Variants in ACAN observed in about 807,000 individuals in gnomAD.
The protein encoded by ACAN is aggrecan core protein.
ACAN carries 47 observed loss-of-function variants against 169.1 expected under a neutral mutation model. The observed-to-expected ratio is 0.28, with a 90% CI of 0.22 to 0.35. The LOEUF (loss-of-function observed/expected upper bound fraction) is 0.35, where lower values mean the gene tolerates loss of function less well. Among genes scored for constraint, ACAN ranks in the 10% least tolerant of loss-of-function variants. The pLI is 1.00. For missense variants in ACAN, 2,716 were observed against 2,759.9 expected (o/e 0.98, Z 0.36); for synonymous variants, 1,115 against 1,112.2 (o/e 1.00, Z -0.05).
rs1897463208 is a variant in ACAN at position 88,874,445 on chromosome 15, G to A, written c.7671G>A (p.Arg2557=). Residue 2557 remains arginine, a synonymous_variant, in exon 19 of 19, where the codon CGG becomes CGA. Coordinates refer to ENST00000560601, the MANE Select transcript of ACAN (RefSeq NM_001369268.1). The surrounding 1 kb of genome is among the most constrained non-coding windows in gnomAD (Gnocchi z 7.3). ...GCAGACTACAGAAGCGGAGCTCACG[G>A]CACCCTCGGAGGAGCCGCCCCAGCA... ...YKRRLQKRSS[R]HPRRSRPSTA... is the part of the protein sequence containing the mutation. The A allele has an allele frequency of 6.2e-7, 1 of 1,607,082 alleles. No individual in the cohort carries two copies. The highest frequency in any genetic ancestry group is 1.3e-5 in the African/African-American group (1 of 74,846).
In ACAN at chr15:88,858,764, T is replaced by C. The variant is rs1240940067; in HGVS notation, c.6179T>C (p.Val2060Ala). 4 of 1,613,812 alleles carry C rather than the reference T, an allele frequency of 2.5e-6. No homozygotes were observed. The East Asian group carries it at 8.9e-5, about 36-fold the overall frequency. Residue 2060 changes from valine to alanine, a missense_variant, in exon 12 of 19, where the codon GTG (valine) becomes GCG (alanine). Val to Ala is a moderately conservative substitution (Grantham distance 64). Coordinates refer to ENST00000560601, the MANE Select transcript of ACAN (RefSeq NM_001369268.1). The surrounding 1 kb of genome is among the most constrained non-coding windows in gnomAD (Gnocchi z 4.0). ...CAGGAACTAGGCCAAAGGCCCCCTGTGACACACACACCCCAGCTTTTTGAG... is the reference window on the plus strand; with the variant it reads ...CAGGAACTAGGCCAAAGGCCCCCTGCGACACACACACCCCAGCTTTTTGAG... ...ISQELGQRPP[V>A]THTPQLFESS...
At chr15:88,860,263 T>G (rs1897167120) in intron 12 of ACAN, 63 bp from the exon 13 acceptor site, 1 of 1,255,974 alleles carries the variant, frequency 8.0e-7, no homozygotes, top group Non-Finnish European at 1.1e-6. Flanking sequence ...TTTGAGGTCT[T>G]GGAGGCCATG....
intron 13 of ACAN, among the ~76,000 whole-genome samples, chr15:88,865,301 G>A (rs777270090): frequency 6.6e-6 from 1 of 152,076 alleles, no homozygotes; most frequent in African/African-American, 2.4e-5. Context: ...GGACTCCAGT[G>A]TCTCTCTCCC....
rs775184079 is a variant in ACAN, at chr15:88,843,335, G to T, written c.758-20G>T. 1.7e-5 allele frequency: 26 copies of T among 1,544,840 alleles called. No homozygotes were observed. Among genetic ancestry groups the T allele is most frequent in the Non-Finnish European group, 2.2e-5 (25 of 1,140,082 alleles). On this transcript the variant is annotated intron_variant, in intron 5 of 18. Transcript: ENST00000560601. The surrounding 1 kb of genome is among the most constrained non-coding windows in gnomAD (Gnocchi z 4.0). ...GGAGGGGGGAGAAGACCCTTACCCA[G>T]CTGGCTGTGTCCTTCACAGGTGAGG...
At chr15:88,842,605 C>G (rs1896692731) in intron 5 of ACAN, among the ~76,000 whole-genome samples, 1 of 152,072 alleles carries the variant, frequency 6.6e-6, no homozygotes, top group Admixed American at 6.5e-5. Context: ...GGGGCCCCGG[C>G]CAGGCTTTCT....
At position 88,839,860 on chromosome 15, in the gene ACAN, C is replaced by T. The variant is rs116347228; in HGVS notation, c.455-152C>T. Among the ~76,000 whole-genome samples the T allele has an allele frequency of 5.2e-3, 789 of 152,322 alleles. 8 individuals carry two copies. Among genetic ancestry groups the T allele is most frequent in the African/African-American group, 0.018 (729 of 41,572 alleles). On this transcript the variant is annotated intron_variant, in intron 3 of 18. Transcript: ENST00000560601. The surrounding 1 kb of genome is among the most constrained non-coding windows in gnomAD (Gnocchi z 4.5). ...TGTTCCAGCAAATTCAGAAGGATCA[C>T]GTGCAAAGGTGTACAGGGAGTCATG...
chr15:88,815,802 A>G (rs988561535), intron 1 of ACAN, among the ~76,000 whole-genome samples: 1 of 152,092 alleles, frequency 6.6e-6, no homozygotes, highest in Non-Finnish European at 1.5e-5. Context: ...GATTAGTAGT[A>G]GTGTTATAAT....
chr15:88,839,470 G>A lies in ACAN; in HGVS notation c.454+424G>A, dbSNP rs1896593687. Among the ~76,000 whole-genome samples the A allele has an allele frequency of 6.6e-6, 1 of 152,182 alleles. No individual in the cohort carries two copies. ...CTCAGTTCCAGAAGCCAAAGCAAGG[G>A]CTGAAGACTCCCTGGTCTCTTTCTC... On this transcript the variant is annotated intron_variant, in intron 3 of 18. Transcript: ENST00000560601. This position sits in a 1 kb window ranked among gnomAD's most constrained non-coding sequence, Gnocchi z 4.5.
In ACAN at chr15:88,843,694, G is replaced by A; in HGVS notation, c.1051+46G>A. The stretch of plus-strand genomic sequence containing the variant: ...GGAAGGGAGTTCATGCCACTAAAAT[G>A]GGGTCCTAGAGGGAAGAGGGGATCT... On this transcript the variant is annotated intron_variant, in intron 6 of 18. Transcript: ENST00000560601. The surrounding 1 kb of genome is among the most constrained non-coding windows in gnomAD (Gnocchi z 4.0). 6.5e-7 allele frequency: 1 copy of A among 1,533,554 alleles called. No individual in the cohort carries two copies. The highest frequency in any genetic ancestry group is 2.3e-5 in the East Asian group (1 of 43,572). The allele number at this position is 1,533,554 out of a possible 1,614,324, so 95.0% of individuals were successfully genotyped here. A position where few individuals can be genotyped will look rare whatever the true frequency, so the allele number is the denominator to read the frequency against.
chr15:88,817,864 AAAAAAG>A (rs1895980529), intron 1 of ACAN, among the ~76,000 whole-genome samples: 2 of 151,688 alleles, frequency 1.3e-5, no homozygotes, highest in East Asian at 1.9e-4. Flanking sequence ...AAAAAAAAAA[AAAAAAG>A]AAAGAAAGGG....
intron 4 of ACAN, among the ~76,000 whole-genome samples, chr15:88,840,636 G>A (rs1332633415): frequency 1.3e-5 from 2 of 152,010 alleles, no homozygotes; most frequent in Admixed American, 6.6e-5. Context: ...TGCCCTCAAG[G>A]GATCTCAATG....
rs367553476 is a variant in ACAN, at chr15:88,874,006, C to G, written c.7612C>G (p.Gln2538Glu). Residue 2538 changes from glutamine to glutamate, a missense_variant, in exon 18 of 19, where the codon CAG (glutamine) becomes GAG (glutamate). By Grantham distance (29) the Gln-to-Glu change is conservative. Transcript: ENST00000560601. The surrounding 1 kb of genome is among the most constrained non-coding windows in gnomAD (Gnocchi z 7.3). ...GCCCAGCGGGCACTGGGAGGAGCCT[C>G]AGATCACCTGCACAGACCGTGAGCA... Reference protein sequence around the residue: ...CQPSGHWEEPQITCTDPTTYK... With the variant: ...CQPSGHWEEPEITCTDPTTYK... The G allele has an allele frequency of 4.3e-6, 7 of 1,611,898 alleles. No homozygotes were observed. The highest frequency in any genetic ancestry group is 5.9e-6 in the Non-Finnish European group (7 of 1,179,790).
intron 8 of ACAN, 106 bp from the exon 9 acceptor site, chr15:88,847,805 G>T: frequency 7.2e-7 from 1 of 1,391,344 alleles, no homozygotes; most frequent in Non-Finnish European, 9.6e-7. Flanking sequence ...CCAGACAACT[G>T]AAGACATCTC....
In ACAN at chr15:88,807,734, T is replaced by C. The variant is rs117682443; in HGVS notation, c.-8+3925T>C. On this transcript the variant is annotated intron_variant, in intron 1 of 18. Coordinates refer to ENST00000560601, the MANE Select transcript of ACAN (RefSeq NM_001369268.1). This position sits in a 1 kb window ranked among gnomAD's most constrained non-coding sequence, Gnocchi z 4.0. ...TTACTTTTAAAAACTCAGAGCCTCCTTATAAGTGGTGGAGTGTGTGTGTGT... is the reference window on the plus strand; with the variant it reads ...TTACTTTTAAAAACTCAGAGCCTCCCTATAAGTGGTGGAGTGTGTGTGTGT... 8.8e-3 allele frequency among the ~76,000 whole-genome samples: 1,220 copies of C among 138,454 alleles called. 17 individuals carry two copies. The highest frequency in any genetic ancestry group is 0.023 in the Middle Eastern group (6 of 264). The allele number at this position is 138,454 out of a possible 152,430, so 90.8% of individuals were successfully genotyped here. A position where few individuals can be genotyped will look rare whatever the true frequency, so the allele number is the denominator to read the frequency against.
chr15:88,827,945 C>T (rs945353270), intron 1 of ACAN, among the ~76,000 whole-genome samples: 1 of 152,182 alleles, frequency 6.6e-6, no homozygotes, highest in Non-Finnish European at 1.5e-5. Context: ...TTCTGTTGCA[C>T]CAGGGCCTGC....
intron 1 of ACAN, among the ~76,000 whole-genome samples, chr15:88,834,141 G>A (rs2141551555): frequency 6.6e-6 from 1 of 152,250 alleles, no homozygotes; most frequent in Admixed American, 6.5e-5. Context: ...CAGCATCTAG[G>A]TAGAAAAATC....
Position 88,851,569 on chromosome 15 carries a change from G to A in ACAN, c.2027-225G>A, listed in dbSNP as rs906233160. The A allele has an allele frequency of 1.9e-6, 1 of 517,266 alleles. No homozygotes were observed. Among genetic ancestry groups the A allele is most frequent in the African/African-American group, 1.9e-5 (1 of 53,006 alleles). 32.0% of individuals were successfully genotyped at this position (517,266 alleles called of 1,614,324 possible). On this transcript the variant is annotated intron_variant, in intron 10 of 18. Coordinates refer to ENST00000560601, the MANE Select transcript of ACAN (RefSeq NM_001369268.1). This position sits in a 1 kb window ranked among gnomAD's most constrained non-coding sequence, Gnocchi z 4.3. ...CCGGCATATATGGTCAATTCTGCAG[G>A]GGAGATGCCCCAGATCACTGGAACT...
intron 1 of ACAN, among the ~76,000 whole-genome samples, chr15:88,815,385 CT>C (rs1401749174): frequency 6.6e-6 from 1 of 151,874 alleles, no homozygotes; most frequent in Non-Finnish European, 1.5e-5. Context: ...ATGGAGAAAC[CT>C]CGTCTCTACT....
At chr15:88,815,734 G>A (rs975396820) in intron 1 of ACAN, among the ~76,000 whole-genome samples, 15 of 148,048 alleles carry the variant, frequency 1.0e-4, no homozygotes, top group Admixed American at 3.4e-4. Flanking sequence ...AAATCTAAGC[G>A]ACCCTGAGGT....
Sources: allele counts gnomAD v4.1 joint callset (sites outside exome capture counted in the v4.1 genomes callset), GRCh38; gene constraint gnomAD v4.1.1; non-coding constraint Gnocchi (gnomAD v3.1); transcripts MANE v1.5; gene names NCBI Gene and HGNC (gene_info 2026-07-23, HGNC 2026-07-21).